Variants in MCC observed in about 807,000 individuals in gnomAD.
MCC encodes colorectal mutant cancer protein.
A neutral mutation model predicts 116.2 loss-of-function variants in MCC; 90 were observed. The observed-to-expected ratio is 0.77, with a 90% CI of 0.65 to 0.92. The LOEUF (loss-of-function observed/expected upper bound fraction) is 0.92, where lower values mean the gene tolerates loss of function less well. Among genes scored for constraint, MCC ranks in the 40% least tolerant of loss-of-function variants. The probability of loss-of-function intolerance (pLI) is 0.00; values close to 1 mark genes in which losing one functional copy is unlikely to be tolerated. For synonymous variants in MCC, 578 were observed against 510.5 expected, an observed-to-expected ratio of 1.13 and a Z score of -1.78; for missense variants, 1,516 against 1,312.2, an observed-to-expected ratio of 1.16 and a Z score of -2.40.
intron 3 of MCC, among the ~76,000 whole-genome samples, chr5:113,268,795 G>A (rs1765508039): frequency 6.6e-6 from 1 of 152,110 alleles, no homozygotes; most frequent in South Asian, 2.1e-4. Context: ...GTTTTAACAA[G>A]CATCTAGAAT....
intron 2 of MCC, among the ~76,000 whole-genome samples, chr5:113,343,669 G>A (rs746063451): frequency 6.6e-5 from 10 of 152,220 alleles, no homozygotes; most frequent in Non-Finnish European, 1.5e-4. Flanking sequence ...CATGGCCTGT[G>A]ACATAGATAG....
chr5:113,111,421 C>T (rs553181817), intron 6 of MCC, among the ~76,000 whole-genome samples: 7 of 152,288 alleles, frequency 4.6e-5, no homozygotes, highest in African/African-American at 9.6e-5. Flanking sequence ...GTGTGCCCTG[C>T]GATGGGATGG....
intron 2 of MCC, among the ~76,000 whole-genome samples, chr5:113,344,543 GGA>G (rs1384874013): frequency 6.6e-6 from 1 of 151,492 alleles, no homozygotes; most frequent in Non-Finnish European, 1.5e-5. Flanking sequence ...TTCTGCTTGA[GGA>G]GAGGAGAGAG....
chr5:113,419,024 T>C (rs1428093920), intron 1 of MCC, among the ~76,000 whole-genome samples: 1 of 152,170 alleles, frequency 6.6e-6, no homozygotes, highest in Non-Finnish European at 1.5e-5. Flanking sequence ...GGGAAAAAGT[T>C]TGGCAATTCC....
At chr5:113,131,160 G>A (rs1212193560) in intron 5 of MCC, among the ~76,000 whole-genome samples, 1 of 152,234 alleles carries the variant, frequency 6.6e-6, no homozygotes, top group South Asian at 2.1e-4. Flanking sequence ...ACTTGGTAGT[G>A]AGAGGCTGAT....
chr5:113,191,741 G>A (rs550401001), intron 3 of MCC, among the ~76,000 whole-genome samples: 12 of 152,280 alleles, frequency 7.9e-5, no homozygotes, highest in Admixed American at 3.9e-4. Flanking sequence ...TTAAAATGAC[G>A]CAATTGATTA....
At chr5:113,362,098 C>T (rs970703040) in intron 2 of MCC, among the ~76,000 whole-genome samples, 1 of 152,202 alleles carries the variant, frequency 6.6e-6, no homozygotes, top group Non-Finnish European at 1.5e-5. Flanking sequence ...CTATTATTTC[C>T]GTTTCTCTGG....
At chr5:113,119,161 C>A (rs2150267726) in intron 6 of MCC, among the ~76,000 whole-genome samples, 1 of 152,332 alleles carries the variant, frequency 6.6e-6, no homozygotes, top group Middle Eastern at 3.4e-3. Context: ...GCAGGAACTG[C>A]TATGCTGGTA....
chr5:113,095,469 CA>C (rs544039110), intron 8 of MCC, among the ~76,000 whole-genome samples: 44 of 152,304 alleles, frequency 2.9e-4, no homozygotes, highest in African/African-American at 1.0e-3. Context: ...TCACCCATCA[CA>C]AATAAGTGTT....
At chr5:113,185,514 G>C (rs945560995) in intron 3 of MCC, among the ~76,000 whole-genome samples, 1 of 152,194 alleles carries the variant, frequency 6.6e-6, no homozygotes, top group Non-Finnish European at 1.5e-5. Context: ...ACCAACAGGA[G>C]ATTAGAAGTA....
intron 2 of MCC, among the ~76,000 whole-genome samples, chr5:113,358,801 A>G (rs1436318535): frequency 6.6e-6 from 1 of 152,200 alleles, no homozygotes; most frequent in East Asian, 1.9e-4. Context: ...AAGCAGCAGT[A>G]AATCGCTTAG....
At chr5:113,069,984 C>T (rs1753924832) in intron 12 of MCC, among the ~76,000 whole-genome samples, 2 of 152,224 alleles carry the variant, frequency 1.3e-5, no homozygotes, top group South Asian at 4.1e-4. Context: ...AAAGGCAGTT[C>T]ATATTCCAGA....
chr5:113,132,449 C>CATACATATATATATATATATATAT (rs1237730823), intron 5 of MCC, among the ~76,000 whole-genome samples: 1 of 111,088 alleles, frequency 9.0e-6, no homozygotes, highest in African/African-American at 4.2e-5. Context: ...TATATACACA[C>CATACATATATATATATATATATAT]ACACACACAC....
At chr5:113,352,640 T>C (rs924210602) in intron 2 of MCC, among the ~76,000 whole-genome samples, 3 of 151,688 alleles carry the variant, frequency 2.0e-5, no homozygotes, top group Admixed American at 2.0e-4. Flanking sequence ...AATTATTTCC[T>C]TTTTTTTCCC....
intron 2 of MCC, among the ~76,000 whole-genome samples, chr5:113,351,267 C>G (rs552880206): frequency 3.7e-4 from 56 of 152,092 alleles, no homozygotes; most frequent in African/African-American, 1.3e-3. Context: ...TCACAATAAC[C>G]AAGGTTTACA....
At position 113,242,764 on chromosome 5, in the gene MCC, C is replaced by T. The variant is rs185231842; in HGVS notation, c.628-91342G>A. On this transcript the variant is annotated intron_variant, in intron 3 of 18. Coordinates refer to ENST00000408903, the MANE Select transcript of MCC (RefSeq NM_001085377.2). Reference sequence around the variant, plus strand: ...CCACAGAGAAATGTGCTTCCCATCTCGGGTACTTCAGAGAGCCATTCCCTT... The same window carrying T: ...CCACAGAGAAATGTGCTTCCCATCTTGGGTACTTCAGAGAGCCATTCCCTT... Among the ~76,000 whole-genome samples, 81 of 152,148 alleles carry T rather than the reference C, an allele frequency of 5.3e-4. No homozygotes were observed. The East Asian group carries it at 0.013, about 25-fold the overall frequency.
chr5:113,457,248 T>G (rs572980706), intron 1 of MCC, among the ~76,000 whole-genome samples: 1 of 152,328 alleles, frequency 6.6e-6, no homozygotes, highest in African/African-American at 2.4e-5. Flanking sequence ...AGCAGCTGGC[T>G]GGGCCTGCAG....
At chr5:113,044,415 A>G (rs1263434959) in intron 16 of MCC, 17 of 846,258 alleles carry the variant, frequency 2.0e-5, no homozygotes, top group Non-Finnish European at 2.1e-5. Flanking sequence ...AGTGCTCTAC[A>G]TTCCATGCAC....
chr5:113,143,984 C>G (rs1275728346), intron 4 of MCC, among the ~76,000 whole-genome samples: 2 of 152,204 alleles, frequency 1.3e-5, no homozygotes, highest in Non-Finnish European at 2.9e-5. Context: ...ATATCATTAT[C>G]TCCCAGACTA....
Sources: allele counts gnomAD v4.1 joint callset (sites outside exome capture counted in the v4.1 genomes callset), GRCh38; gene constraint gnomAD v4.1.1; transcripts MANE v1.5; gene names NCBI Gene and HGNC (gene_info 2026-07-23, HGNC 2026-07-21).